Variants in VPS13B observed in about 807,000 individuals in gnomAD.
VPS13B encodes intermembrane lipid transfer protein VPS13B.
A neutral mutation model predicts 426.4 loss-of-function variants in VPS13B; 285 were observed. The observed-to-expected ratio is 0.67, with a 90% confidence interval of 0.61 to 0.74. The LOEUF (loss-of-function observed/expected upper bound fraction) is 0.74, where lower values mean the gene tolerates loss of function less well. Ranked by LOEUF, VPS13B falls within the 30% of genes least tolerant of loss-of-function variation. The pLI, the probability that VPS13B is intolerant of heterozygous loss-of-function variation, is 0.00. For synonymous variants in VPS13B, 1,676 were observed against 1,676.4 expected, an observed-to-expected ratio of 1.00 and a Z score of 0.01; for missense variants, 4,537 against 4,782.6, an observed-to-expected ratio of 0.95 and a Z score of 1.51.
intron 56 of VPS13B, among the ~76,000 whole-genome samples, chr8:99,856,805 C>T (rs1474651762): frequency 6.6e-6 from 1 of 152,168 alleles, no homozygotes; most frequent in Non-Finnish European, 1.5e-5. Context: ...TGCACCACTG[C>T]ACTCCAACCT....
intron 23 of VPS13B, among the ~76,000 whole-genome samples, chr8:99,465,361 T>G (rs1177014866): frequency 6.6e-6 from 1 of 151,968 alleles, no homozygotes; most frequent in Non-Finnish European, 1.5e-5. Context: ...TTTAAAACAA[T>G]CTGTATGCTA....
intron 36 of VPS13B, among the ~76,000 whole-genome samples, chr8:99,705,284 C>CTGGGAAAT (rs1832454857): frequency 6.6e-6 from 1 of 151,994 alleles, no homozygotes; most frequent in Admixed American, 6.6e-5. Context: ...ATAAGAAGAA[C>CTGGGAAAT]AAGTAAAATT....
In VPS13B at chr8:99,875,591, T is replaced by G. The variant is rs1056410361; in HGVS notation, c.11919T>G (p.Asp3973Glu). 1 of 1,614,084 alleles carries G rather than the reference T, an allele frequency of 6.2e-7. No homozygotes were observed. The highest frequency in any genetic ancestry group is 1.3e-5 in the African/African-American group (1 of 74,922). The change falls in exon 62 of 62, where the codon GAT becomes GAG. Residue 3973 changes from aspartate to glutamate, a missense_variant. Around this residue, in one of 2 missense-constraint regions of VPS13B, gnomAD observed 4,311 missense variants for 4,474.3 expected, o/e 0.96. Transcript: ENST00000357162. ...STVKTYHYLV[D>E]PHFAQVFLSK... ...TTAAAACATACCATTACCTGGTTGA[T>G]CCACATTTTGCTCAGGTCTTCCTTA... is the stretch of plus-strand genomic sequence containing the variant.
intron 19 of VPS13B, among the ~76,000 whole-genome samples, chr8:99,279,506 C>T (rs539938547): frequency 1.7e-3 from 99 of 57,756 alleles, no homozygotes; most frequent in Non-Finnish European, 2.7e-3. Flanking sequence ...GTAATCCACC[C>T]GCCTTGGCCT....
At chr8:99,391,244 T>G (rs1814426172) in intron 20 of VPS13B, among the ~76,000 whole-genome samples, 1 of 152,212 alleles carries the variant, frequency 6.6e-6, no homozygotes. Context: ...TACTTCTTAC[T>G]AAAACTTACA....
intron 14 of VPS13B, among the ~76,000 whole-genome samples, chr8:99,155,073 T>TA (rs1054518284): frequency 2.0e-5 from 3 of 151,150 alleles, no homozygotes; most frequent in African/African-American, 4.9e-5. Context: ...CTCAATCCAT[T>TA]AAAAAAAAGC....
intron 17 of VPS13B, among the ~76,000 whole-genome samples, chr8:99,212,973 T>G (rs1815184103): frequency 6.6e-6 from 1 of 152,170 alleles, no homozygotes; most frequent in African/African-American, 2.4e-5. Flanking sequence ...TTAGTCTTAG[T>G]AAGTATCCTC....
rs375364473 is a variant in VPS13B at position 99,536,706 on chromosome 8, A to G, written c.4745+15696A>G. On this transcript the variant is annotated intron_variant, in intron 30 of 61. Transcript: ENST00000357162. The stretch of plus-strand genomic sequence containing the variant: ...ATCCCTGTCCCATGTCAGCTTATCA[A>G]ACACACTGTGGACAGCATGTCTTTG... 252 of 534,330 alleles carry G rather than the reference A, an allele frequency of 4.7e-4. 1 individual carries two copies. Among genetic ancestry groups the G allele is most frequent in the Non-Finnish European group, 5.0e-4 (129 of 259,990 alleles). 33.1% of individuals were successfully genotyped at this position (534,330 alleles called of 1,614,324 possible).
chr8:99,388,905 C>T (rs958850152), intron 20 of VPS13B, among the ~76,000 whole-genome samples: 3 of 152,108 alleles, frequency 2.0e-5, no homozygotes, highest in African/African-American at 7.2e-5. Context: ...AATCCCAGCA[C>T]TTTGGGAAGC....
At chr8:99,127,852 G>A (rs1269778402) in intron 8 of VPS13B, among the ~76,000 whole-genome samples, 2 of 152,124 alleles carry the variant, frequency 1.3e-5, no homozygotes, top group South Asian at 2.1e-4. Context: ...TAAAAGGTAA[G>A]AAGGGACATG....
rs752100903 is a variant in VPS13B, at chr8:99,853,827, C to T, written c.10438C>T (p.Leu3480Phe). 6.2e-7 allele frequency: 1 copy of T among 1,614,236 alleles called. No homozygotes were observed. The highest frequency in any genetic ancestry group is 2.2e-5 in the East Asian group (1 of 44,892). ...EEYKEKCFIK[L>F]CITLNEGKSI... ...ATACAAGGAAAAATGTTTTATCAAA[C>T]TTTGCATCACCTTAAATGAAGGCAA... The change falls in exon 56 of 62, where the codon CTT (leucine) becomes TTT (phenylalanine). Residue 3480 changes from leucine to phenylalanine, a missense_variant. Transcript: ENST00000357162.
chr8:99,111,862 A>AT (rs1266425444), intron 6 of VPS13B, among the ~76,000 whole-genome samples: 1 of 151,942 alleles, frequency 6.6e-6, no homozygotes, highest in Non-Finnish European at 1.5e-5. Context: ...ATATTGTGTG[A>AT]TGCTTAGGTT....
intron 40 of VPS13B, among the ~76,000 whole-genome samples, chr8:99,768,580 C>G (rs1811341065): frequency 6.6e-6 from 1 of 152,174 alleles, no homozygotes; most frequent in Admixed American, 6.5e-5. Flanking sequence ...TTTGTAGCCT[C>G]ATAGTCTTTT....
chr8:99,511,021 A>T, intron 28 of VPS13B, 83 bp from the exon 29 acceptor site: 3 of 1,480,886 alleles, frequency 2.0e-6, no homozygotes, highest in Non-Finnish European at 2.8e-6. Context: ...AAAAATACTC[A>T]CTGAGGTCAT....
chr8:99,168,483 C>G (rs1358667126), intron 15 of VPS13B, among the ~76,000 whole-genome samples: 1 of 151,946 alleles, frequency 6.6e-6, no homozygotes, highest in Non-Finnish European at 1.5e-5. Flanking sequence ...TATCTTTATT[C>G]ATAACTCGAA....
intron 3 of VPS13B, among the ~76,000 whole-genome samples, chr8:99,061,296 C>CCT (rs754496810): frequency 5.3e-5 from 6 of 112,948 alleles, no homozygotes; most frequent in African/African-American, 2.1e-4. Flanking sequence ...TGCTAATTTT[C>CCT]TTTTTTTTTT....
At chr8:99,205,668 A>G (rs1162677834) in intron 17 of VPS13B, among the ~76,000 whole-genome samples, 1 of 152,168 alleles carries the variant, frequency 6.6e-6, no homozygotes, top group Non-Finnish European at 1.5e-5. Flanking sequence ...GATATGTCTC[A>G]TTTATTAATT....
chr8:99,511,352 A>G lies in VPS13B; in HGVS notation c.4473A>G (p.Gln1491=), dbSNP rs1319850286. 1.2e-6 allele frequency: 2 copies of G among 1,613,978 alleles called. No individual in the cohort carries two copies. The highest frequency in any genetic ancestry group is 1.6e-4 in the Middle Eastern group (1 of 6,062). ...TTAATGCCATTGCAAGTATATTTCAAGCAAAACTACCAAAGACCCAAAAAG... is the reference window on the plus strand; with the variant it reads ...TTAATGCCATTGCAAGTATATTTCAGGCAAAACTACCAAAGACCCAAAAAG... ...PLLNAIASIF[Q]AKLPKTQKEK... The change falls in exon 29 of 62, where the codon CAA becomes CAG. Residue 1491 remains glutamine, a synonymous_variant. Coordinates refer to ENST00000357162, the MANE Select transcript of VPS13B (RefSeq NM_152564.5).
At chr8:99,434,621 G>C (rs1425713230) in intron 22 of VPS13B, among the ~76,000 whole-genome samples, 1 of 152,104 alleles carries the variant, frequency 6.6e-6, no homozygotes, top group Non-Finnish European at 1.5e-5. Flanking sequence ...AATATCTCCA[G>C]TGCATAAAAA....
Sources: allele counts gnomAD v4.1 joint callset (sites outside exome capture counted in the v4.1 genomes callset), GRCh38; gene constraint gnomAD v4.1.1; regional missense constraint gnomAD v4.1.1; transcripts MANE v1.5; gene names NCBI Gene and HGNC (gene_info 2026-07-23, HGNC 2026-07-21).